The following ZNF775 variants were observed in gnomAD, a reference collection of about 807,000 sequenced individuals.
ZNF775 encodes zinc finger protein 775.
Under a neutral mutation model 2.4 loss-of-function variants are expected in ZNF775, and 1 was observed. That is an observed-to-expected ratio of 0.41 (90% confidence interval 0.15 to 1.94). The LOEUF is 1.94. ZNF775 is among the 30% of genes most tolerant of loss of function. The pLI is 0.30. For missense variants in ZNF775, 823 were observed against 826.6 expected, an observed-to-expected ratio of 1.00 and a Z score of 0.05; for synonymous variants, 381 against 373.3, an observed-to-expected ratio of 1.02 and a Z score of -0.24.
At chr7:150,381,202 G>C (rs936579433) in intron 1 of ZNF775, among the ~76,000 whole-genome samples, 2 of 149,914 alleles carry the variant, frequency 1.3e-5, no homozygotes, top group Non-Finnish European at 2.9e-5. Context: ...CGCAGGGGAG[G>C]TGTGGGTGGG....
chr7:150,395,596 C>T (rs4725889), intron 2 of ZNF775, among the ~76,000 whole-genome samples: 66,389 of 152,076 alleles, frequency 0.44, 14,749 homozygotes, highest in Admixed American at 0.49. Flanking sequence ...ACTTCTAACT[C>T]GTGGGTTCAT....
chr7:150,387,063 G>T (rs1373860697), intron 1 of ZNF775, among the ~76,000 whole-genome samples: 1 of 152,150 alleles, frequency 6.6e-6, no homozygotes, highest in Non-Finnish European at 1.5e-5. Flanking sequence ...TTGGGAGACC[G>T]AGGTGGGTAG....
chr7:150,397,623 TGCGCGCCCACCA>T lies in ZNF775; in HGVS notation c.1153_1164del (p.Gln385_His388del), dbSNP rs1246967744. On this transcript the variant is annotated inframe_deletion, in exon 3 of 3. Coordinates refer to ENST00000329630, the MANE Select transcript of ZNF775 (RefSeq NM_173680.4). ...AAGAGCTGCCGCAGCCGCGCCGCGC[TGCGCGCCCACCA>T]GCGCGCCCACGCTGTCGCTGAGCCC... is the stretch of plus-strand genomic sequence containing the variant. The T allele has an allele frequency of 2.0e-5, 28 of 1,366,538 alleles. No homozygotes were observed. The highest frequency in any genetic ancestry group is 1.9e-4 in the African/African-American group (12 of 63,716). 84.7% of individuals were successfully genotyped at this position (1,366,538 alleles called of 1,614,324 possible). A position where few individuals can be genotyped will look rare whatever the true frequency, so the allele number is the denominator to read the frequency against.
intron 2 of ZNF775, among the ~76,000 whole-genome samples, chr7:150,390,598 A>G (rs989149714): frequency 1.3e-5 from 2 of 152,222 alleles, no homozygotes; most frequent in Admixed American, 6.5e-5. Flanking sequence ...TTCTCTTAAA[A>G]TGTTTTGAGA....
intron 2 of ZNF775, among the ~76,000 whole-genome samples, chr7:150,394,364 C>A (rs1251495599): frequency 6.6e-6 from 1 of 152,096 alleles, no homozygotes; most frequent in South Asian, 2.1e-4. Context: ...CAGTGGATTC[C>A]CTTGCACATT....
At position 150,388,515 on chromosome 7, in the gene ZNF775, AAG is replaced by A. The variant is rs1488023327; in HGVS notation, c.31+17_31+18del. ...GCAACGGCACAGGTAAGAGAGAAGA[AAG>A]AGGAGGCAGGGGAGCGGGGTCTCCT... On this transcript the variant is annotated intron_variant, in intron 2 of 2. Coordinates refer to ENST00000329630, the MANE Select transcript of ZNF775 (RefSeq NM_173680.4). 4.5e-6 allele frequency: 7 copies of A among 1,551,736 alleles called. No homozygotes were observed. Among genetic ancestry groups the A allele is most frequent in the Non-Finnish European group, 6.1e-6 (7 of 1,147,050 alleles).
In ZNF775 at chr7:150,397,830, A is replaced by G. The variant is rs1163706711; in HGVS notation, c.1349A>G (p.Glu450Gly). 2 of 1,599,576 alleles carry G rather than the reference A, an allele frequency of 1.3e-6. No homozygotes were observed. Among genetic ancestry groups the G allele is most frequent in the Non-Finnish European group, 1.7e-6 (2 of 1,176,742 alleles). The change falls in exon 3 of 3, where the codon GAG becomes GGG. Residue 450 changes from glutamate (E) to glycine (G), a missense_variant. By Grantham distance (98) the Glu-to-Gly change is moderately conservative. Coordinates refer to ENST00000329630, the MANE Select transcript of ZNF775 (RefSeq NM_173680.4). ...GAGCCGCGCCAGTTCATCTGCAACG[A>G]GTGCGGCAAGAGCTTCTCGTGGTGG... ...PGEPRQFICN[E>G]CGKSFSWWSA...
Position 150,396,722 on chromosome 7 carries a change from G to A in ZNF775, c.241G>A (p.Asp81Asn). ...SPRWAPPTEQ[D>N]AGLAGRAPGS... is the part of the protein sequence containing the mutation. ...AAGGTGGGCCCCTCCCACTGAGCAGGATGCGGGGCTGGCAGGCCGGGCTCC... is the reference window on the plus strand; with the variant it reads ...AAGGTGGGCCCCTCCCACTGAGCAGAATGCGGGGCTGGCAGGCCGGGCTCC... Residue 81 changes from aspartate (D) to asparagine (N), a missense_variant, in exon 3 of 3, where the codon GAT (aspartate) becomes AAT (asparagine). Transcript: ENST00000329630. 6.3e-7 allele frequency: 1 copy of A among 1,597,914 alleles called. No homozygotes were observed. The highest frequency in any genetic ancestry group is 8.5e-7 in the Non-Finnish European group (1 of 1,172,804).
At chr7:150,394,665 C>T (rs1273265741) in intron 2 of ZNF775, among the ~76,000 whole-genome samples, 2 of 149,170 alleles carry the variant, frequency 1.3e-5, no homozygotes, top group African/African-American at 2.5e-5. Flanking sequence ...CCCTCCCTCC[C>T]TCCCTCCCCT....
At chr7:150,392,239 T>G (rs1489669129) in intron 2 of ZNF775, among the ~76,000 whole-genome samples, 1 of 152,188 alleles carries the variant, frequency 6.6e-6, no homozygotes, top group Non-Finnish European at 1.5e-5. Context: ...TGAATCTAAC[T>G]TAAATATTTT....
intron 2 of ZNF775, among the ~76,000 whole-genome samples, 192 bp from the exon 3 acceptor site, chr7:150,396,321 C>T (rs893423888): frequency 6.6e-6 from 1 of 152,134 alleles, no homozygotes; most frequent in Non-Finnish European, 1.5e-5. Context: ...CTTCCCGACT[C>T]TTTTTTCTTC....
In ZNF775 at chr7:150,397,565, G is replaced by A. The variant is rs757980034; in HGVS notation, c.1084G>A (p.Gly362Ser). The change falls in exon 3 of 3, where the codon GGC (glycine) becomes AGC (serine). Residue 362 changes from glycine to serine, a missense_variant. Transcript: ENST00000329630. The part of the protein sequence containing the change: ...LLKHLRTHLP[G>S]AQAAPCPSCG... ...CAAGCACCTGCGCACGCACCTGCCC[G>A]GCGCCCAGGCTGCGCCCTGCCCCAG... 4 of 1,512,428 alleles carry A rather than the reference G, an allele frequency of 2.6e-6. No homozygotes were observed. The South Asian group carries it at 4.8e-5, about 18-fold the overall frequency. The allele number at this position is 1,512,428 out of a possible 1,614,324, so 93.7% of individuals were successfully genotyped here.
intron 2 of ZNF775, 120 bp downstream of exon 2, chr7:150,388,621 CT>C: frequency 9.0e-7 from 1 of 1,112,352 alleles, no homozygotes; most frequent in Non-Finnish European, 1.3e-6. Context: ...GTACATCCCA[CT>C]GATGCAGAAT....
At chr7:150,387,541 C>T (rs954835335) in intron 1 of ZNF775, among the ~76,000 whole-genome samples, 3 of 152,012 alleles carry the variant, frequency 2.0e-5, no homozygotes, top group East Asian at 1.9e-4. Flanking sequence ...AGGCCGGGCG[C>T]AGTGGCTCAC....
intron 1 of ZNF775, 127 bp from the exon 2 acceptor site, chr7:150,388,295 G>A: frequency 3.0e-6 from 2 of 658,812 alleles, no homozygotes; most frequent in Non-Finnish European, 5.3e-6. Context: ...CATGTCGAAT[G>A]TGGCTATGGA....
Position 150,384,978 on chromosome 7 carries a change from G to A in ZNF775, c.-49-3444G>A, listed in dbSNP as rs1404666264. 3.3e-5 allele frequency among the ~76,000 whole-genome samples: 5 copies of A among 152,194 alleles called. No individual in the cohort carries two copies. The highest frequency in any genetic ancestry group is 5.9e-5 in the Non-Finnish European group (4 of 68,034). On this transcript the variant is annotated intron_variant, in intron 1 of 2. Transcript: ENST00000329630. The surrounding 1 kb of genome is among the most constrained non-coding windows in gnomAD (Gnocchi z 4.1). ...TTGTGGCCTGGGCTCTGCCCTCCTCGGTCTGAGTTCCCCTTACCAAGGTGG... is the reference window on the plus strand; with the variant it reads ...TTGTGGCCTGGGCTCTGCCCTCCTCAGTCTGAGTTCCCCTTACCAAGGTGG...
intron 1 of ZNF775, among the ~76,000 whole-genome samples, chr7:150,383,036 AAT>A (rs1444091658): frequency 9.9e-5 from 15 of 152,190 alleles, no homozygotes; most frequent in African/African-American, 3.6e-4. Flanking sequence ...AGTTTTAAAA[AAT>A]ATCTCACATT....
At chr7:150,388,597 T>C (rs1585085824) in intron 2 of ZNF775, 96 bp downstream of exon 2, 4 of 1,395,892 alleles carry the variant, frequency 2.9e-6, no homozygotes, top group Non-Finnish European at 3.0e-6. Flanking sequence ...GCCAGTGCCC[T>C]CAGCCAGTAG....
rs1386921389 is a variant in ZNF775 at position 150,388,441 on chromosome 7, G to A, written c.-30G>A. 1.9e-6 allele frequency: 3 copies of A among 1,551,588 alleles called. No individual in the cohort carries two copies. The highest frequency in any genetic ancestry group is 2.7e-5 in the African/African-American group (2 of 73,046). Reference sequence around the variant, plus strand: ...TGACAGATGGCAGGAAAGGGACACAGCCGGCGCTGATGCTGGGAGGCCTCC... The same window carrying A: ...TGACAGATGGCAGGAAAGGGACACAACCGGCGCTGATGCTGGGAGGCCTCC... On this transcript the variant is annotated 5_prime_UTR_variant, in exon 2 of 3. Coordinates refer to ENST00000329630, the MANE Select transcript of ZNF775 (RefSeq NM_173680.4).
Sources: gnomAD v4.1 joint callset for allele counts (sites outside exome capture counted in the v4.1 genomes callset) on GRCh38, gnomAD v4.1.1 for gene constraint, Gnocchi (gnomAD v3.1) non-coding constraint, MANE v1.5 for transcripts, NCBI Gene and HGNC (gene_info 2026-07-23, HGNC 2026-07-21) for gene names.